TNRC6B: variants seen among roughly 807,000 people sequenced by gnomAD.
The protein encoded by TNRC6B is trinucleotide repeat-containing gene 6B protein.
TNRC6B carries 52 observed loss-of-function variants against 203.6 expected under a neutral mutation model. The ratio of observed to expected loss-of-function variants is 0.26; its 90% CI spans 0.20 to 0.32. The LOEUF (loss-of-function observed/expected upper bound fraction) is 0.32, where lower values mean the gene tolerates loss of function less well. TNRC6B is among the 10% of genes least tolerant of loss of function. The pLI, the probability that TNRC6B is intolerant of heterozygous loss-of-function variation, is 1.00. For synonymous variants in TNRC6B, 838 were observed against 845.7 expected (o/e 0.99, Z 0.16); for missense variants, 1,923 against 2,286.2 (o/e 0.84, Z 3.24).
At chr22:40,062,699 G>C (rs1285730237) in intron 1 of TNRC6B, among the ~76,000 whole-genome samples, 1 of 152,058 alleles carries the variant, frequency 6.6e-6, no homozygotes, top group Non-Finnish European at 1.5e-5. Flanking sequence ...ATTTGCGTTT[G>C]CCTGAACGCT....
chr22:40,128,743 G>A (rs893479539), intron 3 of TNRC6B, among the ~76,000 whole-genome samples: 3 of 151,324 alleles, frequency 2.0e-5, no homozygotes, highest in African/African-American at 2.4e-5. Context: ...GGCTGGTCTC[G>A]AACTTCTGGG....
chr22:40,318,130 G>T lies in TNRC6B; in HGVS notation c.4974+2118G>T, dbSNP rs117612370. ...CCTAAATACATTTGCCCATTTGTAGGGAGTAAATCACAGGACTCGTATTTC... is the reference window on the plus strand; with the variant it reads ...CCTAAATACATTTGCCCATTTGTAGTGAGTAAATCACAGGACTCGTATTTC... On this transcript the variant is annotated intron_variant, in intron 21 of 22. Coordinates refer to ENST00000454349, the MANE Select transcript of TNRC6B (RefSeq NM_001162501.2). Among the ~76,000 whole-genome samples, 780 of 152,184 alleles carry T rather than the reference G, an allele frequency of 5.1e-3. 7 individuals carry two copies. Among genetic ancestry groups the T allele is most frequent in the Non-Finnish European group, 8.1e-3 (551 of 68,010 alleles).
chr22:40,235,547 G>A (rs1434248672), intron 1 of TNRC6B, among the ~76,000 whole-genome samples: 1 of 152,160 alleles, frequency 6.6e-6, no homozygotes, highest in East Asian at 1.9e-4. Context: ...AATTGTGAAG[G>A]AGTCTTGGAA....
chr22:40,277,988 T>G lies in TNRC6B; in HGVS notation c.3217-11T>G, dbSNP rs762492390. On this transcript the variant is annotated splice_polypyrimidine_tract_variant and intron_variant, in intron 8 of 22. Transcript: ENST00000454349. ...TCCTTAATTCTCTCTCATCTGTTCT[T>G]TATTTTCCAGAGTCAGACTGAAGAT... is the stretch of plus-strand genomic sequence containing the variant. 2 of 1,551,592 alleles carry G rather than the reference T, an allele frequency of 1.3e-6. No individual in the cohort carries two copies. Among genetic ancestry groups the G allele is most frequent in the Non-Finnish European group, 1.7e-6 (2 of 1,143,246 alleles).
At chr22:40,190,794 G>A (rs2069260723) in intron 1 of TNRC6B, among the ~76,000 whole-genome samples, 1 of 152,232 alleles carries the variant, frequency 6.6e-6, no homozygotes, top group South Asian at 2.1e-4. Context: ...GTTATGGTTA[G>A]CTGTGTCGGG....
Position 40,165,960 on chromosome 22 carries a change from T to G in TNRC6B, c.113+9778T>G, listed in dbSNP as rs557215177. 2.6e-3 allele frequency among the ~76,000 whole-genome samples: 319 copies of G among 122,392 alleles called. 1 individual carries two copies. Among genetic ancestry groups the G allele is most frequent in the Non-Finnish European group, 3.7e-3 (217 of 58,868 alleles). The allele number at this position is 122,392 out of a possible 152,430, so 80.3% of individuals were successfully genotyped here. On this transcript the variant is annotated intron_variant, in intron 4 of 23. Transcript: ENST00000301923. ...CAGCCAGTTATCAGTTATTGGGTGG[T>G]TTTTTTTGTTGTTGTTTTGTTTTGT...
chr22:40,093,073 T>C (rs2068161958), intron 1 of TNRC6B, among the ~76,000 whole-genome samples: 1 of 152,234 alleles, frequency 6.6e-6, no homozygotes, highest in Admixed American at 6.5e-5. Flanking sequence ...CCACAGTTTA[T>C]ACCTACTTGA....
intron 19 of TNRC6B, among the ~76,000 whole-genome samples, chr22:40,313,728 T>G (rs2071219472): frequency 6.6e-6 from 1 of 152,220 alleles, no homozygotes; most frequent in African/African-American, 2.4e-5. Context: ...GGCTAAACAT[T>G]GTCTTGTTCT....
chr22:40,214,728 T>A (rs2146426490), intron 1 of TNRC6B, among the ~76,000 whole-genome samples: 1 of 152,222 alleles, frequency 6.6e-6, no homozygotes, highest in Non-Finnish European at 1.5e-5. Context: ...AATTATTTTT[T>A]ATTTTTGTGG....
chr22:40,069,985 T>C (rs1468047666), intron 1 of TNRC6B, among the ~76,000 whole-genome samples: 1 of 152,178 alleles, frequency 6.6e-6, no homozygotes, highest in Non-Finnish European at 1.5e-5. Context: ...ACTAATTATG[T>C]TTTATGTAGG....
chr22:40,152,926 C>T (rs1160133737), intron 3 of TNRC6B, among the ~76,000 whole-genome samples: 1 of 151,758 alleles, frequency 6.6e-6, no homozygotes, highest in East Asian at 2.0e-4. Context: ...CATGGTGAAC[C>T]CCTGTCTGTA....
chr22:40,301,092 CTT>C (rs1027836372), intron 14 of TNRC6B, 56 bp from the exon 15 acceptor site: 2 of 1,559,154 alleles, frequency 1.3e-6, no homozygotes, highest in Non-Finnish European at 1.7e-6. Context: ...CGGGCACAGT[CTT>C]TTCCTGGGAA....
chr22:40,102,677 C>G (rs779210731), intron 1 of TNRC6B, among the ~76,000 whole-genome samples: 3 of 152,044 alleles, frequency 2.0e-5, no homozygotes, highest in Non-Finnish European at 4.4e-5. Context: ...GTAGCTCACA[C>G]CTAGAATCTC....
Position 40,331,671 on chromosome 22 carries a change from CA to C in TNRC6B, c.*8440del, listed in dbSNP as rs776164567. The C allele has an allele frequency of 0.011, 1,164 of 109,338 alleles. No individual in the cohort carries two copies. The highest frequency in any genetic ancestry group is 0.02 in the East Asian group (153 of 7,508). The allele number at this position is 109,338 out of a possible 1,614,324, so 6.8% of individuals were successfully genotyped here. A position where few individuals can be genotyped will look rare whatever the true frequency, so the allele number is the denominator to read the frequency against. ...TTTTTTTTTTTTTTTTTTTTTTTTT[CA>C]AAAAAAAAAGTCCCACATGTGGTCA... is the stretch of plus-strand genomic sequence containing the variant. On this transcript the variant is annotated 3_prime_UTR_variant, in exon 23 of 23. Transcript: ENST00000454349.
At chr22:40,095,470 T>C (rs1024106306) in intron 1 of TNRC6B, among the ~76,000 whole-genome samples, 10 of 152,118 alleles carry the variant, frequency 6.6e-5, no homozygotes, top group Non-Finnish European at 1.5e-4. Context: ...TTAAGAAAAG[T>C]TGGGAAATGT....
chr22:40,057,455 G>T (rs554965434), intron 1 of TNRC6B, among the ~76,000 whole-genome samples: 1 of 151,806 alleles, frequency 6.6e-6, no homozygotes, highest in South Asian at 2.1e-4. Context: ...CACCACGCCC[G>T]GCTAATTTTG....
chr22:40,253,691 C>T (rs11912679), intron 3 of TNRC6B: 5,430 of 456,288 alleles, frequency 0.012, 231 homozygotes, highest in African/African-American at 0.1. Flanking sequence ...AGTAAAAATA[C>T]CAGTTGTCCC....
At chr22:40,106,377 C>G (rs1302756949) in intron 1 of TNRC6B, 1 of 1,223,182 alleles carries the variant, frequency 8.2e-7, no homozygotes, top group African/African-American at 1.5e-5. Flanking sequence ...AGCATCTCCA[C>G]CTTCTACAAA....
At chr22:40,050,661 A>G (rs1401257191) in intron 1 of TNRC6B, among the ~76,000 whole-genome samples, 1 of 152,094 alleles carries the variant, frequency 6.6e-6, no homozygotes, top group East Asian at 1.9e-4. Flanking sequence ...ACCACAATTC[A>G]TGATTCAGGA....
Sources: allele counts gnomAD v4.1 joint callset (sites outside exome capture counted in the v4.1 genomes callset), GRCh38; gene constraint gnomAD v4.1.1; transcripts MANE v1.5; gene names NCBI Gene and HGNC (gene_info 2026-07-23, HGNC 2026-07-21).